Variants in ARHGAP42 observed in about 807,000 individuals in gnomAD.
ARHGAP42 encodes the protein Rho GTPase activating protein 42, also known as rho GTPase-activating protein 42.
ARHGAP42 carries 63 observed loss-of-function variants against 125.0 expected under a neutral mutation model. The observed-to-expected ratio is 0.50, with a 90% CI of 0.41 to 0.62. The LOEUF (loss-of-function observed/expected upper bound fraction) is 0.62, where lower values mean the gene tolerates loss of function less well. ARHGAP42 is among the 20% of genes least tolerant of loss of function. ARHGAP42 has a pLI of 0.00. For synonymous variants in ARHGAP42, 339 were observed against 351.0 expected (o/e 0.97, Z 0.38); for missense variants, 766 against 1,024.2 (o/e 0.75, Z 3.44).
chr11:100,976,546 T>C (rs1591335220), intron 20 of ARHGAP42, 109 bp downstream of exon 20: 4 of 1,390,372 alleles, frequency 2.9e-6, no homozygotes, highest in African/African-American at 2.9e-5. Context: ...AAACTAATGA[T>C]GCTTATCTAC....
chr11:100,813,826 T>C (rs1302874112), intron 3 of ARHGAP42, among the ~76,000 whole-genome samples: 2 of 152,194 alleles, frequency 1.3e-5, no homozygotes, highest in Non-Finnish European at 2.9e-5. Flanking sequence ...ACAAATACTT[T>C]TTCACCAACC....
At chr11:100,766,243 G>GT (rs767343527) in intron 1 of ARHGAP42, among the ~76,000 whole-genome samples, 3 of 144,284 alleles carry the variant, frequency 2.1e-5, no homozygotes, top group Non-Finnish European at 3.1e-5. Context: ...GTGTGTGTGT[G>GT]GTGTGGGGGG....
At chr11:100,782,088 A>T (rs2135012428) in intron 2 of ARHGAP42, among the ~76,000 whole-genome samples, 1 of 152,294 alleles carries the variant, frequency 6.6e-6, no homozygotes, top group African/African-American at 2.4e-5. Flanking sequence ...TGTGATATTG[A>T]AGAAAACCAG....
intron 1 of ARHGAP42, among the ~76,000 whole-genome samples, chr11:100,717,412 C>T (rs1013881256): frequency 9.2e-5 from 14 of 151,904 alleles, no homozygotes; most frequent in East Asian, 3.9e-4. Flanking sequence ...CCGAGGCGGG[C>T]GGATCACAAG....
intron 1 of ARHGAP42, among the ~76,000 whole-genome samples, chr11:100,707,787 T>G (rs1861502517): frequency 6.6e-6 from 1 of 152,226 alleles, no homozygotes; most frequent in African/African-American, 2.4e-5. Context: ...TTTACATGAC[T>G]GTGGACCTGC....
intron 4 of ARHGAP42, among the ~76,000 whole-genome samples, chr11:100,890,191 C>T (rs1328597767): frequency 1.3e-5 from 2 of 152,136 alleles, no homozygotes; most frequent in Non-Finnish European, 1.5e-5. Context: ...TGAAGGTCCA[C>T]GTTTCTGCCT....
Position 100,983,827 on chromosome 11 carries a change from A to G in ARHGAP42, c.2457-3686A>G, listed in dbSNP as rs149547847. On this transcript the variant is annotated intron_variant, in intron 22 of 23. Transcript: ENST00000298815. ...TTGGAAAAAAATCTTTGAAAAGAAC[A>G]TGTAATTAATTTTAAGAAATCTGCA... 2.0e-3 allele frequency among the ~76,000 whole-genome samples: 304 copies of G among 152,344 alleles called. 1 individual carries two copies. The highest frequency in any genetic ancestry group is 6.8e-3 in the African/African-American group (284 of 41,580).
At chr11:100,773,480 A>G (rs1730671405) in intron 2 of ARHGAP42, among the ~76,000 whole-genome samples, 1 of 152,166 alleles carries the variant, frequency 6.6e-6, no homozygotes, top group Non-Finnish European at 1.5e-5. Flanking sequence ...TAGTATGTTC[A>G]GGTTACTTCT....
intron 1 of ARHGAP42, among the ~76,000 whole-genome samples, chr11:100,702,048 G>A (rs1265563456): frequency 6.6e-6 from 1 of 151,888 alleles, no homozygotes; most frequent in African/African-American, 2.4e-5. Context: ...ACTTTGGGAG[G>A]CCAAGGTGGG....
chr11:100,915,907 C>T (rs780568134), intron 5 of ARHGAP42, among the ~76,000 whole-genome samples: 1 of 152,158 alleles, frequency 6.6e-6, no homozygotes, highest in African/African-American at 2.4e-5. Flanking sequence ...GAGATGCTGT[C>T]ATAAACATAT....
At chr11:100,985,063 T>C (rs1361404450) in intron 22 of ARHGAP42, among the ~76,000 whole-genome samples, 1 of 152,214 alleles carries the variant, frequency 6.6e-6, no homozygotes, top group Non-Finnish European at 1.5e-5. Flanking sequence ...TGTATGTCTT[T>C]ATTTATTTAG....
chr11:100,738,557 AGT>A (rs1234305092), intron 1 of ARHGAP42: 1 of 152,240 alleles, frequency 6.6e-6, no homozygotes, highest in African/African-American at 2.4e-5. Flanking sequence ...CCATCAAAGC[AGT>A]ATTGCTCTTG....
At chr11:100,763,547 G>T (rs993081879) in intron 1 of ARHGAP42, among the ~76,000 whole-genome samples, 2 of 152,092 alleles carry the variant, frequency 1.3e-5, no homozygotes, top group African/African-American at 4.8e-5. Flanking sequence ...GAGTGCAGTG[G>T]CATGATCTTG....
At chr11:100,846,261 G>A (rs1469583504) in intron 3 of ARHGAP42, among the ~76,000 whole-genome samples, 1 of 152,092 alleles carries the variant, frequency 6.6e-6, no homozygotes, top group East Asian at 1.9e-4. Context: ...GAGACAAAGG[G>A]TATCTTCATA....
chr11:100,888,995 A>G (rs1009546710), intron 4 of ARHGAP42, among the ~76,000 whole-genome samples: 5 of 152,164 alleles, frequency 3.3e-5, no homozygotes, highest in African/African-American at 4.8e-5. Context: ...GGCATTAACT[A>G]TTGTACTCTG....
rs1230569 is a variant in ARHGAP42, at chr11:100,802,647, C to T, written c.312+7481C>T. 9.3e-3 allele frequency among the ~76,000 whole-genome samples: 1,247 copies of T among 134,348 alleles called. 17 individuals are homozygous for T. Among genetic ancestry groups the T allele is most frequent in the African/African-American group, 0.032 (1,175 of 36,436 alleles). The allele number at this position is 134,348 out of a possible 152,430, so 88.1% of individuals were successfully genotyped here. On this transcript the variant is annotated intron_variant, in intron 3 of 23. Transcript: ENST00000298815. ...GAGGTTTCACCCTGTTGGCGAGTCT[C>T]AAACTCTTGGCCTCAAGTGATCCAC...
At chr11:100,813,850 C>T (rs1864203729) in intron 3 of ARHGAP42, among the ~76,000 whole-genome samples, 2 of 152,096 alleles carry the variant, frequency 1.3e-5, no homozygotes, top group East Asian at 3.9e-4. Context: ...TTTAATAAGA[C>T]TGGCGGCAAC....
intron 1 of ARHGAP42, among the ~76,000 whole-genome samples, chr11:100,745,763 G>C (rs1227416657): frequency 6.6e-6 from 1 of 152,168 alleles, no homozygotes; most frequent in Admixed American, 6.5e-5. Flanking sequence ...CTGGCTAGTG[G>C]CCCCTAATTG....
chr11:100,714,531 G>A (rs1011264109), intron 1 of ARHGAP42, among the ~76,000 whole-genome samples: 1 of 152,032 alleles, frequency 6.6e-6, no homozygotes, highest in African/African-American at 2.4e-5. Flanking sequence ...AAGGACTTCC[G>A]AAATTCCAGT....
Sources: allele counts gnomAD v4.1 joint callset (sites outside exome capture counted in the v4.1 genomes callset), GRCh38; gene constraint gnomAD v4.1.1; transcripts MANE v1.5; gene names NCBI Gene and HGNC (gene_info 2026-07-23, HGNC 2026-07-21).